Variants in TDRD12 observed in about 807,000 individuals in gnomAD.
TDRD12 encodes tudor domain containing 12.
A neutral mutation model predicts 133.5 loss-of-function variants in TDRD12; 158 were observed. The ratio of observed to expected loss-of-function variants is 1.18; its 90% CI spans 1.04 to 1.35. TDRD12 has a LOEUF of 1.35. Among genes scored for constraint, TDRD12 ranks in the 40% most tolerant of loss-of-function variants. TDRD12 has a pLI of 0.00. For missense variants in TDRD12, 1,443 were observed against 1,321.3 expected (o/e 1.09, Z -1.43); for synonymous variants, 460 against 477.9 (o/e 0.96, Z 0.49).
intron 2 of TDRD12, among the ~76,000 whole-genome samples, chr19:32,737,247 A>G (rs1374781966): frequency 6.6e-6 from 1 of 152,212 alleles, no homozygotes; most frequent in Admixed American, 6.5e-5. Flanking sequence ...TCTGTCGCCC[A>G]GGCTGGAGTG....
Position 32,733,292 on chromosome 19 carries a change from A to G in TDRD12, c.183+1409A>G, listed in dbSNP as rs191837910. Among the ~76,000 whole-genome samples, 4 of 152,248 alleles carry G rather than the reference A, an allele frequency of 2.6e-5. No homozygotes were observed. In the East Asian group the frequency reaches 7.7e-4, roughly 29 times the overall value. On this transcript the variant is annotated intron_variant, in intron 2 of 27. Coordinates refer to ENST00000444215, the Ensembl canonical transcript of TDRD12. ...GAGACCAGCCTGGCCAACATAGTGA[A>G]ACCCCATCTCTACTAAAAATACAAA...
exon 20 of TDRD12, chr19:32,802,679 C>T (rs1971433842): frequency 6.5e-7 from 1 of 1,536,278 alleles, no homozygotes; most frequent in Non-Finnish European, 8.7e-7. Flanking sequence ...CTGCGTCCCA[C>T]TCTTGGCCAT....
chr19:32,801,811 A>G, exon 19 of TDRD12: 1 of 1,477,462 alleles, frequency 6.8e-7, no homozygotes, highest in South Asian at 1.3e-5. Context: ...ATGATTTTTA[A>G]CTTACAAAAT....
intron 11 of TDRD12, among the ~76,000 whole-genome samples, chr19:32,789,818 A>G (rs1176239709): frequency 6.6e-6 from 1 of 152,072 alleles, no homozygotes; most frequent in Admixed American, 6.5e-5. Flanking sequence ...CTGGACAACA[A>G]TGGTGAAACC....
chr19:32,765,282 C>G (rs1970262793), intron 8 of TDRD12, among the ~76,000 whole-genome samples: 2 of 152,192 alleles, frequency 1.3e-5, no homozygotes, highest in Non-Finnish European at 2.9e-5. Flanking sequence ...CACTTTTACA[C>G]TGTTGGTGGG....
chr19:32,814,847 C>A (rs1967121811), intron 25 of TDRD12, among the ~76,000 whole-genome samples: 1 of 152,152 alleles, frequency 6.6e-6, no homozygotes, highest in South Asian at 2.1e-4. Flanking sequence ...TAGGAAGGGG[C>A]CCCAGCCAGG....
At chr19:32,801,756 G>A (rs1434740067) in exon 19 of TDRD12, 2 of 1,259,102 alleles carry the variant, frequency 1.6e-6, no homozygotes, top group Non-Finnish European at 2.2e-6. Flanking sequence ...TCATCTTTAG[G>A]TAGTAGAAAG....
At chr19:32,722,469 G>T (rs535298909) in intron 1 of TDRD12, among the ~76,000 whole-genome samples, 5 of 151,966 alleles carry the variant, frequency 3.3e-5, no homozygotes, top group African/African-American at 1.2e-4. Context: ...TGCTGTGTAG[G>T]TACCACCTGT....
chr19:32,777,776 C>T (rs60474892), intron 11 of TDRD12, among the ~76,000 whole-genome samples: 11 of 119,516 alleles, frequency 9.2e-5, no homozygotes, highest in South Asian at 5.2e-4. Flanking sequence ...TCCCAAGTAG[C>T]TGGGACCATA....
chr19:32,756,178 G>T lies in TDRD12; in HGVS notation c.769G>T (p.Glu257Ter). 2 of 1,418,856 alleles carry T rather than the reference G, an allele frequency of 1.4e-6. No individual in the cohort carries two copies. Among genetic ancestry groups the T allele is most frequent in the Non-Finnish European group, 1.8e-6 (2 of 1,089,596 alleles). 87.9% of individuals were successfully genotyped at this position (1,418,856 alleles called of 1,614,324 possible). A position where few individuals can be genotyped will look rare whatever the true frequency, so the allele number is the denominator to read the frequency against. The change falls in exon 7 of 28, where the codon GAA becomes TAA. Residue 257 changes from glutamate to a stop codon, truncating the protein, a stop_gained. Coordinates refer to ENST00000444215, the Ensembl canonical transcript of TDRD12. LOFTEE classifies it high-confidence loss of function. The stretch of plus-strand genomic sequence containing the variant: ...GCAAGGAAAAGATGTTCAAGGAATG[G>T]AAGGTGAGTAGATTCTCATCATATC...
At chr19:32,824,805 T>G (rs577097298), downstream of TDRD12, among the ~76,000 whole-genome samples, 37 of 149,084 alleles carry the variant, frequency 2.5e-4, no homozygotes, top group African/African-American at 8.9e-4. Flanking sequence ...AGGAAGCCCC[T>G]TTGGAAAAGC....
chr19:32,823,459 C>T (rs550630505), downstream of TDRD12, among the ~76,000 whole-genome samples: 170 of 152,208 alleles, frequency 1.1e-3, 1 homozygote, highest in Admixed American at 2.0e-3. Context: ...TCATTATTGC[C>T]GTGGTCCAAA....
intron 2 of TDRD12, among the ~76,000 whole-genome samples, chr19:32,737,006 C>G (rs957796391): frequency 1.0e-5 from 1 of 97,256 alleles, no homozygotes; most frequent in South Asian, 2.9e-4. Context: ...TTGCTCAGGA[C>G]ACTTAACATT....
intron 11 of TDRD12, 88 bp from the exon 12 acceptor site, chr19:32,790,443 T>C: frequency 1.5e-6 from 2 of 1,311,372 alleles, no homozygotes; most frequent in African/African-American, 1.5e-5. Flanking sequence ...CAGCCCCTGC[T>C]ATCTCTGTCA....
chr19:32,780,433 A>G (rs1306699144), intron 11 of TDRD12, among the ~76,000 whole-genome samples: 3 of 152,190 alleles, frequency 2.0e-5, no homozygotes, highest in Admixed American at 2.0e-4. Flanking sequence ...CAGAGTCTGA[A>G]CAGCAATGCA....
chr19:32,785,429 A>G (rs971119689), intron 11 of TDRD12, among the ~76,000 whole-genome samples: 3 of 152,146 alleles, frequency 2.0e-5, no homozygotes, highest in African/African-American at 7.2e-5. Context: ...AGAAGAATGT[A>G]TATTCTGTTG....
intron 11 of TDRD12, among the ~76,000 whole-genome samples, chr19:32,780,940 C>CT (rs1225285394): frequency 7.9e-6 from 1 of 127,384 alleles, no homozygotes; most frequent in Admixed American, 8.1e-5. Context: ...AGTTTTTAAT[C>CT]TATCTTTTTT....
intron 25 of TDRD12, 75 bp from the exon 26 acceptor site, chr19:32,815,373 C>T: frequency 7.9e-7 from 1 of 1,261,884 alleles, no homozygotes; most frequent in Non-Finnish European, 1.1e-6. Context: ...CCAGAGAGGC[C>T]CTGTGGGAAT....
intron 27 of TDRD12, among the ~76,000 whole-genome samples, chr19:32,819,166 A>G (rs1394969435): frequency 6.6e-6 from 1 of 151,890 alleles, no homozygotes; most frequent in Non-Finnish European, 1.5e-5. Flanking sequence ...AAAATACAAA[A>G]ATTAGCTGGG....
Sources: gnomAD v4.1 joint callset for allele counts (sites outside exome capture counted in the v4.1 genomes callset) on GRCh38, gnomAD v4.1.1 for gene constraint, MANE v1.5 for transcripts, NCBI Gene and HGNC (gene_info 2026-07-23, HGNC 2026-07-21) for gene names.